KIAA1217: variants seen among roughly 807,000 people sequenced by gnomAD.
KIAA1217 encodes the protein sickle tail protein homolog.
KIAA1217 carries 88 observed loss-of-function variants against 163.9 expected under a neutral mutation model. That is an observed-to-expected ratio of 0.54 (90% CI 0.45 to 0.64). The LOEUF (loss-of-function observed/expected upper bound fraction) is 0.64. Among genes scored for constraint, KIAA1217 ranks in the 30% least tolerant of loss-of-function variants. KIAA1217 has a pLI of 0.00. For missense variants in KIAA1217, 2,372 were observed against 2,475.0 expected (o/e 0.96, Z 0.88); for synonymous variants, 903 against 923.1 (o/e 0.98, Z 0.39).
At chr10:23,921,142 G>A (rs1471395293) in intron 1 of KIAA1217, among the ~76,000 whole-genome samples, 8 of 152,128 alleles carry the variant, frequency 5.3e-5, no homozygotes, top group Non-Finnish European at 8.8e-5. Context: ...CTTTTTGTTT[G>A]TTTTAAAGTC....
chr10:24,484,241 A>ATATATATTTTTTTTTTTTTTT (rs1376083298), intron 6 of KIAA1217, among the ~76,000 whole-genome samples: 3 of 75,146 alleles, frequency 4.0e-5, no homozygotes, highest in Non-Finnish European at 5.0e-5. Context: ...ATATATATAT[A>ATATATATTTTTTTTTTTTTTT]TTTTTTTTTT....
At chr10:24,041,709 G>T (rs920315892) in intron 2 of KIAA1217, among the ~76,000 whole-genome samples, 3 of 152,300 alleles carry the variant, frequency 2.0e-5, no homozygotes, top group Admixed American at 1.3e-4. Flanking sequence ...ATTATGTAAG[G>T]TGGGCATTCG....
At position 24,161,372 on chromosome 10, in the gene KIAA1217, GC is replaced by G. The variant is rs1268828159; in HGVS notation, c.-170-58252del. Among the ~76,000 whole-genome samples, 7 of 152,308 alleles carry G rather than the reference GC, an allele frequency of 4.6e-5. No homozygotes were observed. In the South Asian group the frequency reaches 1.2e-3, roughly 27 times the overall value. ...GAAGGAGAGACAGAACAGCAAGAGA[GC>G]CTTTCAGCATCCCCTGTGATGTCAT... On this transcript the variant is annotated intron_variant, in intron 2 of 18. Coordinates refer to the KIAA1217 transcript ENST00000376462.
At chr10:24,247,292 T>C (rs2073933631) in intron 2 of KIAA1217, among the ~76,000 whole-genome samples, 1 of 152,154 alleles carries the variant, frequency 6.6e-6, no homozygotes, top group Admixed American at 6.6e-5. Context: ...CATTTTAGTT[T>C]TTTAAATTTC....
intron 9 of KIAA1217, among the ~76,000 whole-genome samples, chr10:24,507,986 G>C (rs376580069): frequency 1.3e-5 from 2 of 152,268 alleles, no homozygotes; most frequent in African/African-American, 2.4e-5. Flanking sequence ...AGGAAGAAAA[G>C]TCTTTCAGAA....
At chr10:23,703,581 A>G (rs1393954088) in intron 1 of KIAA1217, among the ~76,000 whole-genome samples, 1 of 152,202 alleles carries the variant, frequency 6.6e-6, no homozygotes, top group African/African-American at 2.4e-5. Context: ...GCCAATTACA[A>G]CATGACATCA....
At chr10:24,118,939 GT>G (rs1325979717) in intron 2 of KIAA1217, among the ~76,000 whole-genome samples, 2 of 149,844 alleles carry the variant, frequency 1.3e-5, no homozygotes, top group East Asian at 2.0e-4. Context: ...CTTTGTCTTT[GT>G]TTTTTTTTCT....
intron 1 of KIAA1217, among the ~76,000 whole-genome samples, chr10:23,819,095 T>C (rs895424811): frequency 6.6e-6 from 1 of 152,222 alleles, no homozygotes; most frequent in African/African-American, 2.4e-5. Context: ...AGAAAGCAAT[T>C]GAGGAATTGT....
intron 14 of KIAA1217, 56 bp downstream of exon 14, chr10:24,528,175 C>T (rs904830896): frequency 2.6e-5 from 38 of 1,458,612 alleles, no homozygotes; most frequent in Admixed American, 3.7e-5. Context: ...TGGGCAAATA[C>T]AGTGCCATCC....
At chr10:23,964,192 G>A (rs1844951246) in intron 1 of KIAA1217, among the ~76,000 whole-genome samples, 1 of 151,774 alleles carries the variant, frequency 6.6e-6, no homozygotes. Context: ...ATGAGCCACT[G>A]TGCCTGGCCG....
chr10:24,316,574 C>T (rs2043403166), intron 2 of KIAA1217, among the ~76,000 whole-genome samples: 1 of 152,148 alleles, frequency 6.6e-6, no homozygotes, highest in South Asian at 2.1e-4. Context: ...TCCTGACACA[C>T]CCCTACTAGG....
At chr10:24,116,106 C>G (rs1294133847) in intron 2 of KIAA1217, among the ~76,000 whole-genome samples, 1 of 152,150 alleles carries the variant, frequency 6.6e-6, no homozygotes, top group Non-Finnish European at 1.5e-5. Context: ...CTGCAACACT[C>G]TTACATCACC....
intron 3 of KIAA1217, among the ~76,000 whole-genome samples, chr10:24,396,055 G>C (rs78229962): frequency 6.6e-6 from 1 of 152,040 alleles, no homozygotes; most frequent in Non-Finnish European, 1.5e-5. Flanking sequence ...AATGCTTACC[G>C]GCCAGGCGTG....
At chr10:23,766,583 C>T (rs1240458159) in intron 1 of KIAA1217, among the ~76,000 whole-genome samples, 55 of 136,424 alleles carry the variant, frequency 4.0e-4, no homozygotes, top group African/African-American at 5.9e-4. Context: ...TTTTTTCTTT[C>T]TTTCTTTTTT....
chr10:24,467,335 C>T (rs563979994), intron 5 of KIAA1217, among the ~76,000 whole-genome samples: 5 of 152,284 alleles, frequency 3.3e-5, no homozygotes, highest in South Asian at 2.1e-4. Context: ...AGAAACTACC[C>T]TCTTTCTAAG....
chr10:24,518,315 T>C (rs1325631406), intron 10 of KIAA1217, among the ~76,000 whole-genome samples: 2 of 133,022 alleles, frequency 1.5e-5, no homozygotes, highest in African/African-American at 5.8e-5. Context: ...TTTAATGTTT[T>C]ATCTAAAGTA....
chr10:24,263,050 T>C (rs1477652174), intron 2 of KIAA1217, among the ~76,000 whole-genome samples: 1 of 152,194 alleles, frequency 6.6e-6, no homozygotes, highest in Non-Finnish European at 1.5e-5. Context: ...GGAAGACTTC[T>C]ATGTGTGTCT....
intron 5 of KIAA1217, among the ~76,000 whole-genome samples, chr10:24,455,127 T>TACAGAACA (rs1476245801): frequency 1.3e-5 from 2 of 152,222 alleles, no homozygotes; most frequent in African/African-American, 4.8e-5. Context: ...TGTATTTTTA[T>TACAGAACA]TATTCGTAAC....
At chr10:23,794,036 T>A (rs1836085241) in intron 1 of KIAA1217, among the ~76,000 whole-genome samples, 1 of 152,232 alleles carries the variant, frequency 6.6e-6, no homozygotes, top group Non-Finnish European at 1.5e-5. Context: ...TCTTCATTTT[T>A]AAAAATATCC....
Sources: gnomAD v4.1 joint callset for allele counts (sites outside exome capture counted in the v4.1 genomes callset) on GRCh38, gnomAD v4.1.1 for gene constraint, MANE v1.5 for transcripts, NCBI Gene and HGNC (gene_info 2026-07-23, HGNC 2026-07-21) for gene names.